NHS: variants seen among roughly 807,000 people sequenced by gnomAD.
NHS encodes NHS actin remodeling regulator.
NHS carries 5 observed loss-of-function variants against 72.5 expected under a neutral mutation model. The observed-to-expected ratio is 0.07, with a 90% CI of 0.04 to 0.14. NHS has a LOEUF of 0.14. Ranked by LOEUF, NHS falls within the 10% of genes least tolerant of loss-of-function variation. NHS has a pLI of 1.00. For synonymous variants in NHS, 464 were observed against 547.7 expected, an observed-to-expected ratio of 0.85 and a Z score of 2.13; for missense variants, 1,072 against 1,355.7, an observed-to-expected ratio of 0.79 and a Z score of 3.29.
chrX:17,406,247 C>T (rs914101198), intron 1 of NHS, among the ~76,000 whole-genome samples: 1 of 111,476 alleles, frequency 9.0e-6, no homozygotes, highest in African/African-American at 3.3e-5. Context: ...TTCCCAAGAC[C>T]ACGTGGCTGC....
At position 17,429,224 on chromosome X, in the gene NHS, A is replaced by ATGTGTGTG. The variant is rs10616889; in HGVS notation, c.565+52929_565+52936dup. On this transcript the variant is annotated intron_variant, in intron 1 of 8. Transcript: ENST00000676302. Reference sequence around the variant, plus strand: ...TGCATCTGCCTGTGTGTACTGGGGGATGTGTGTGTGTGTGTGTGTGTGTGT... The same window carrying ATGTGTGTG: ...TGCATCTGCCTGTGTGTACTGGGGGATGTGTGTGTGTGTGTGTGTGTGTGTGTGTGTGT... Among the ~76,000 whole-genome samples, 363 of 96,840 alleles carry ATGTGTGTG rather than the reference A, an allele frequency of 3.7e-3. 1 individual carries two copies. The highest frequency in any genetic ancestry group is 0.012 in the African/African-American group (327 of 26,277). 84.1% of individuals were successfully genotyped at this position (96,840 alleles called of 115,157 possible). A position where few individuals can be genotyped will look rare whatever the true frequency, so the allele number is the denominator to read the frequency against.
chrX:17,526,542 C>T (rs752987244), intron 1 of NHS, among the ~76,000 whole-genome samples: 7 of 111,844 alleles, frequency 6.3e-5, no homozygotes, highest in African/African-American at 2.3e-4. Context: ...AACCCAGATT[C>T]AAGGGTTTGA....
intron 1 of NHS, chrX:17,528,343 T>G (rs2065182758): frequency 1.8e-5 from 2 of 111,993 alleles, no homozygotes; most frequent in Non-Finnish European, 3.8e-5. Context: ...CTGATATGGC[T>G]CCTCCCTCTC....
At chrX:17,543,892 A>G (rs1289020014) in intron 1 of NHS, among the ~76,000 whole-genome samples, 3 of 111,854 alleles carry the variant, frequency 2.7e-5, no homozygotes, top group African/African-American at 9.8e-5. Flanking sequence ...GGGGCCCTTC[A>G]AGGCCAAAAT....
At chrX:17,421,142 A>T (rs1470989599) in intron 1 of NHS, among the ~76,000 whole-genome samples, 2 of 108,988 alleles carry the variant, frequency 1.8e-5, no homozygotes, top group Admixed American at 2.0e-4. Flanking sequence ...TGGTTTCTTA[A>T]TTATGAAGTG....
At chrX:17,609,314 C>T (rs2065697150) in intron 1 of NHS, among the ~76,000 whole-genome samples, 1 of 111,796 alleles carries the variant, frequency 8.9e-6, no homozygotes. Context: ...CCTGGGGTAT[C>T]AGAGAAGTTT....
At chrX:17,499,470 A>G (rs2065027666) in intron 1 of NHS, among the ~76,000 whole-genome samples, 1 of 111,800 alleles carries the variant, frequency 8.9e-6, no homozygotes, top group South Asian at 3.8e-4. Flanking sequence ...TCTTGCTATC[A>G]TGGGTGACTT....
intron 1 of NHS, among the ~76,000 whole-genome samples, chrX:17,647,220 T>C (rs2065910013): frequency 8.9e-6 from 1 of 112,694 alleles, no homozygotes; most frequent in Non-Finnish European, 1.9e-5. Context: ...CCCAGCATTT[T>C]CTTCAAAAGA....
At chrX:17,429,268 G>A (rs972695238) in intron 1 of NHS, among the ~76,000 whole-genome samples, 9 of 110,262 alleles carry the variant, frequency 8.2e-5, no homozygotes, top group African/African-American at 1.0e-4. Context: ...GCACACGTGC[G>A]CGCGCGCTAT....
intron 1 of NHS, among the ~76,000 whole-genome samples, chrX:17,512,147 A>G: frequency 8.9e-6 from 1 of 111,827 alleles, no homozygotes; most frequent in Non-Finnish European, 1.9e-5. Context: ...AATAAACTAC[A>G]GTCAGTTCTG....
intron 1 of NHS, among the ~76,000 whole-genome samples, chrX:17,484,741 G>A (rs1389851866): frequency 1.1e-5 from 1 of 90,726 alleles, no homozygotes; most frequent in East Asian, 3.4e-4. Context: ...GACCTGGAGT[G>A]TGAGAGCTGC....
At chrX:17,640,306 G>A (rs751941678) in intron 1 of NHS, among the ~76,000 whole-genome samples, 2 of 111,621 alleles carry the variant, frequency 1.8e-5, no homozygotes, top group Non-Finnish European at 3.8e-5. Context: ...CAAGAATACC[G>A]GAAACTCCAC....
chrX:17,486,961 A>C (rs1183040969), intron 1 of NHS, among the ~76,000 whole-genome samples: 1 of 111,353 alleles, frequency 9.0e-6, no homozygotes, highest in Admixed American at 9.6e-5. Context: ...GCACAGAATG[A>C]CTGATGAACT....
At chrX:17,479,746 T>C (rs1450725262) in intron 1 of NHS, among the ~76,000 whole-genome samples, 1 of 112,116 alleles carries the variant, frequency 8.9e-6, no homozygotes, top group African/African-American at 3.2e-5. Context: ...TGGGGTTGTT[T>C]TTTTCTTGTA....
chrX:17,441,534 G>A (rs754397029), intron 1 of NHS, among the ~76,000 whole-genome samples: 5 of 111,728 alleles, frequency 4.5e-5, no homozygotes, highest in African/African-American at 6.5e-5. Context: ...ATATTTTGGC[G>A]CTTGACACTT....
chrX:17,441,806 G>A (rs2064755960), intron 1 of NHS, among the ~76,000 whole-genome samples: 1 of 112,023 alleles, frequency 8.9e-6, no homozygotes, highest in Non-Finnish European at 1.9e-5. Flanking sequence ...GTAGTTAAGG[G>A]CCAAAATGAG....
At chrX:17,592,744 G>A (rs1175043462) in intron 1 of NHS, among the ~76,000 whole-genome samples, 2 of 111,740 alleles carry the variant, frequency 1.8e-5, no homozygotes, top group South Asian at 3.7e-4. Flanking sequence ...TTATAATAAA[G>A]CCCAGTGCTA....
intron 1 of NHS, among the ~76,000 whole-genome samples, chrX:17,664,234 C>A (rs1477039083): frequency 9.0e-6 from 1 of 110,980 alleles, no homozygotes; most frequent in South Asian, 3.8e-4. Context: ...TTATGACTAG[C>A]CTCTTTTGGG....
chrX:17,540,529 C>T (rs2065257432), intron 1 of NHS, among the ~76,000 whole-genome samples: 1 of 111,749 alleles, frequency 8.9e-6, no homozygotes, highest in Non-Finnish European at 1.9e-5. Flanking sequence ...AGTAGAATGT[C>T]AGGTTGAGGG....
Sources: gnomAD v4.1 joint callset for allele counts (sites outside exome capture counted in the v4.1 genomes callset) on GRCh38, gnomAD v4.1.1 for gene constraint, MANE v1.5 for transcripts, NCBI Gene and HGNC (gene_info 2026-07-23, HGNC 2026-07-21) for gene names.